ANKS3: variants seen among roughly 807,000 people sequenced by gnomAD.
ANKS3 encodes the protein ankyrin repeat and sterile alpha motif domain containing 3.
Under a neutral mutation model 80.7 loss-of-function variants are expected in ANKS3, and 62 were observed. The observed-to-expected ratio is 0.77, with a 90% CI of 0.63 to 0.95. The LOEUF is 0.95. ANKS3 is among the 40% of genes least tolerant of loss of function. ANKS3 has a pLI of 0.00. For synonymous variants in ANKS3, 489 were observed against 355.3 expected (o/e 1.38, Z -4.23); for missense variants, 1,150 against 883.6 (o/e 1.30, Z -3.82).
At chr16:4,716,759 T>C (rs2080822038) in intron 6 of ANKS3, among the ~76,000 whole-genome samples, 1 of 150,540 alleles carries the variant, frequency 6.6e-6, no homozygotes, top group South Asian at 2.1e-4. Context: ...TACTAAAAAA[T>C]ACAAAAATTA....
In ANKS3 at chr16:4,702,625, A is replaced by T. The variant is rs141624009; in HGVS notation, c.869-383T>A. ...AGACACCCATCGACCACGTGTCTTT[A>T]TGTCCCTGTGACCTTTAACCACAGG... On this transcript the variant is annotated intron_variant, in intron 8 of 17. Coordinates refer to ENST00000304283, the MANE Select transcript of ANKS3 (RefSeq NM_133450.4). Among the ~76,000 whole-genome samples, 183 of 152,240 alleles carry T rather than the reference A, an allele frequency of 1.2e-3. 1 individual carries two copies. Among genetic ancestry groups the T allele is most frequent in the African/African-American group, 4.0e-3 (165 of 41,534 alleles).
rs567833089 is a variant in ANKS3, at chr16:4,727,623, G to T, written c.171-446C>A. On this transcript the variant is annotated intron_variant, in intron 3 of 17. Transcript: ENST00000304283. Reference sequence around the variant, plus strand: ...AGCCTGGATTGTCAACACAGCCACAGTTGAAAAACCCTGACCACCACAGGC... The same window carrying T: ...AGCCTGGATTGTCAACACAGCCACATTTGAAAAACCCTGACCACCACAGGC... 3.2e-5 allele frequency: 7 copies of T among 215,454 alleles called. No individual in the cohort carries two copies. The East Asian group carries it at 3.5e-4, about 11-fold the overall frequency. 13.3% of individuals were successfully genotyped at this position (215,454 alleles called of 1,614,324 possible). A position where few individuals can be genotyped will look rare whatever the true frequency, so the allele number is the denominator to read the frequency against.
chr16:4,732,926 G>A (rs2081727359), intron 1 of ANKS3, among the ~76,000 whole-genome samples: 1 of 152,058 alleles, frequency 6.6e-6, no homozygotes. Context: ...GCAAAAACAT[G>A]GATGGAAGCG....
Position 4,697,061 on chromosome 16 carries a change from C to T in ANKS3, c.1938G>A (p.Gln646=), listed in dbSNP as rs767604408. Residue 646 remains glutamine (Q), a synonymous_variant, in exon 17 of 18, where the codon CAG becomes CAA. Coordinates refer to ENST00000304283, the MANE Select transcript of ANKS3 (RefSeq NM_133450.4). ...CLVTQSLEKL[Q]VLNGKKWRET ...CCCGCCACTTCTTCCCGTTCAGCAC[C>T]TGCAGCTTCTCCAGGCTCTGGGTCA... is the stretch of plus-strand genomic sequence containing the variant. The T allele has an allele frequency of 2.5e-6, 4 of 1,613,968 alleles. No homozygotes were observed. In the South Asian group the frequency reaches 4.4e-5, roughly 18 times the overall value.
At chr16:4,700,795 G>T in intron 11 of ANKS3, 175 bp downstream of exon 11, 1 of 867,568 alleles carries the variant, frequency 1.2e-6, no homozygotes, top group Non-Finnish European at 1.9e-6. Flanking sequence ...CGCTGCAGCG[G>T]GGCTGCCAGC....
chr16:4,719,557 C>A (rs2080976599), intron 6 of ANKS3, among the ~76,000 whole-genome samples: 1 of 151,902 alleles, frequency 6.6e-6, no homozygotes, highest in African/African-American at 2.4e-5. Flanking sequence ...AACTCCAGCA[C>A]TTTGGGAGGC....
At chr16:4,708,114 G>GA (rs758500621) in intron 7 of ANKS3, among the ~76,000 whole-genome samples, 4 of 111,754 alleles carry the variant, frequency 3.6e-5, no homozygotes, top group South Asian at 2.9e-4. Context: ...GACTACATCT[G>GA]AAAAAAATAT....
intron 6 of ANKS3, among the ~76,000 whole-genome samples, chr16:4,722,912 C>A: frequency 6.8e-6 from 1 of 147,834 alleles, no homozygotes. Flanking sequence ...GGCGACACAG[C>A]ACAAGACTTC....
chr16:4,710,942 A>G (rs999309971), intron 7 of ANKS3, among the ~76,000 whole-genome samples: 1 of 148,822 alleles, frequency 6.7e-6, no homozygotes, highest in Admixed American at 6.7e-5. Context: ...GGCGCACACC[A>G]CCACATTGGC....
chr16:4,714,504 T>C (rs1420097742), intron 6 of ANKS3, among the ~76,000 whole-genome samples: 2 of 152,218 alleles, frequency 1.3e-5, no homozygotes, highest in African/African-American at 4.8e-5. Flanking sequence ...CTGGGCTGTG[T>C]CCCACTCACT....
At chr16:4,708,240 GAA>G (rs1200672191) in intron 7 of ANKS3, among the ~76,000 whole-genome samples, 2 of 152,022 alleles carry the variant, frequency 1.3e-5, no homozygotes, top group Admixed American at 6.6e-5. Flanking sequence ...AATAACATGA[GAA>G]ATTAATTGCA....
chr16:4,698,291 A>G, intron 14 of ANKS3, 136 bp downstream of exon 14: 1 of 1,291,910 alleles, frequency 7.7e-7, no homozygotes, highest in South Asian at 1.5e-5. Context: ...GGGCCTGATG[A>G]AATGGGGGTG....
At chr16:4,720,889 A>G (rs2081054228) in intron 6 of ANKS3, among the ~76,000 whole-genome samples, 1 of 149,940 alleles carries the variant, frequency 6.7e-6, no homozygotes, top group South Asian at 2.1e-4. Flanking sequence ...ATGAGCCGAG[A>G]TTGCGCCACT....
At chr16:4,713,209 G>C (rs564739332) in intron 7 of ANKS3, among the ~76,000 whole-genome samples, 2 of 152,044 alleles carry the variant, frequency 1.3e-5, no homozygotes, top group Non-Finnish European at 1.5e-5. Flanking sequence ...AAGAGGTTGC[G>C]GTGAGGCAAG....
Position 4,733,464 on chromosome 16 carries a change from G to A in ANKS3, c.-71+474C>T, listed in dbSNP as rs114743564. Reference sequence around the variant, plus strand: ...GAGCCACCATGCCAGCCTAGTTTTCGTATGTTTAGTAGAGACGAAGTGTCC... The same window carrying A: ...GAGCCACCATGCCAGCCTAGTTTTCATATGTTTAGTAGAGACGAAGTGTCC... On this transcript the variant is annotated intron_variant, in intron 1 of 17. Coordinates refer to ENST00000304283, the MANE Select transcript of ANKS3 (RefSeq NM_133450.4). Among the ~76,000 whole-genome samples the A allele has an allele frequency of 6.7e-3, 1,016 of 151,952 alleles. 9 individuals are homozygous for A. The highest frequency in any genetic ancestry group is 0.023 in the African/African-American group (972 of 41,442).
intron 1 of ANKS3, among the ~76,000 whole-genome samples, chr16:4,732,201 G>A (rs2081654028): frequency 6.6e-6 from 1 of 152,104 alleles, no homozygotes; most frequent in Non-Finnish European, 1.5e-5. Flanking sequence ...GCCCAAGATC[G>A]TGCAGTGCCC....
At position 4,702,221 on chromosome 16, in the gene ANKS3, T is replaced by C. The variant is rs754655112; in HGVS notation, c.890A>G (p.Tyr297Cys). Reference sequence around the variant, plus strand: ...CTCGCCACTGCTGTTGAAGGTGACATAGCCACGGGGAGGAGCCTGCTCTGT... The same window carrying C: ...CTCGCCACTGCTGTTGAAGGTGACACAGCCACGGGGAGGAGCCTGCTCTGT... ...PRYEQAPPRG[Y>C]VTFNSSGENP... Residue 297 changes from tyrosine (Y) to cysteine (C), a missense_variant, in exon 9 of 18, where the codon TAT (tyrosine) becomes TGT (cysteine). Transcript: ENST00000304283. 1.8e-5 allele frequency: 28 copies of C among 1,584,238 alleles called. No homozygotes were observed. Among genetic ancestry groups the C allele is most frequent in the Middle Eastern group, 1.7e-4 (1 of 5,946 alleles).
chr16:4,698,993 A>G (rs754052823), intron 12 of ANKS3, 52 bp from the exon 13 acceptor site: 19 of 1,613,768 alleles, frequency 1.2e-5, no homozygotes, highest in Admixed American at 1.7e-5. Flanking sequence ...GAGCGCTTAC[A>G]TGAGTGGGAG....
At chr16:4,714,988 C>CT (rs1489642921) in intron 6 of ANKS3, among the ~76,000 whole-genome samples, 2 of 46,544 alleles carry the variant, frequency 4.3e-5, no homozygotes, top group Non-Finnish European at 7.2e-5. Context: ...GAGACTCTGT[C>CT]TCAAAAAAAA....
Sources: allele counts gnomAD v4.1 joint callset (sites outside exome capture counted in the v4.1 genomes callset), GRCh38; gene constraint gnomAD v4.1.1; transcripts MANE v1.5; gene names NCBI Gene and HGNC (gene_info 2026-07-23, HGNC 2026-07-21).